Variants in DIPK2B observed in about 807,000 individuals in gnomAD.
The protein encoded by DIPK2B is UPF0672 protein CXorf36.
In DIPK2B, 15 loss-of-function variants were observed where a neutral mutation model predicts 22.2. The observed-to-expected ratio is 0.68, with a 90% CI of 0.45 to 1.04. The LOEUF is 1.04. DIPK2B is among the 50% of genes least tolerant of loss of function. The pLI is 0.00. For missense variants in DIPK2B, 345 were observed against 348.3 expected (o/e 0.99, Z 0.08); for synonymous variants, 163 against 153.2 (o/e 1.06, Z -0.47).
chrX:45,180,331 T>G (rs2047143018), intron 2 of DIPK2B, among the ~76,000 whole-genome samples: 1 of 111,837 alleles, frequency 8.9e-6, no homozygotes, highest in Non-Finnish European at 1.9e-5. Flanking sequence ...GAATAAAAGA[T>G]GAAGGCAAAA....
In DIPK2B at chrX:45,155,961, C is replaced by CTTTTTTTTTT. The variant is rs757375184; in HGVS notation, c.672+1744_672+1753dup. Among the ~76,000 whole-genome samples the CTTTTTTTTTT allele has an allele frequency of 7.2e-5, 4 of 55,253 alleles. 1 individual carries two copies. Among genetic ancestry groups the CTTTTTTTTTT allele is most frequent in the African/African-American group, 1.5e-4 (2 of 13,751 alleles). 48.0% of individuals were successfully genotyped at this position (55,253 alleles called of 115,157 possible). On this transcript the variant is annotated intron_variant, in intron 3 of 4. Coordinates refer to ENST00000398000, the MANE Select transcript of DIPK2B (RefSeq NM_176819.4). ...AGTTTCCCCTGCCTAAAGGGGACCT[C>CTTTTTTTTTT]TTTTTTTTTTTTTTTTTTTTTTTTA...
intron 1 of DIPK2B, among the ~76,000 whole-genome samples, chrX:45,198,951 C>T (rs1176721313): frequency 9.0e-6 from 1 of 111,340 alleles, no homozygotes; most frequent in Non-Finnish European, 1.9e-5. Flanking sequence ...CAACTGGTCT[C>T]ACAGCCCCTG....
At chrX:45,167,692 T>C (rs2047797441) in intron 2 of DIPK2B, among the ~76,000 whole-genome samples, 1 of 110,440 alleles carries the variant, frequency 9.1e-6, no homozygotes, top group Non-Finnish European at 1.9e-5. Context: ...TCTTTTTTTT[T>C]TCTTGTTTTT....
chrX:45,176,619 G>A (rs1015553993), intron 2 of DIPK2B, among the ~76,000 whole-genome samples: 3 of 111,875 alleles, frequency 2.7e-5, no homozygotes, highest in Admixed American at 9.5e-5. Flanking sequence ...TATTGGTGGG[G>A]AGACAGTTTT....
chrX:45,185,220 G>A (rs902575227), intron 2 of DIPK2B, among the ~76,000 whole-genome samples: 2 of 111,971 alleles, frequency 1.8e-5, no homozygotes, highest in African/African-American at 6.5e-5. Flanking sequence ...CATAGCATGT[G>A]GACATGCATA....
chrX:45,152,824 A>G (rs1329305730), intron 4 of DIPK2B, among the ~76,000 whole-genome samples: 1 of 111,276 alleles, frequency 9.0e-6, no homozygotes, highest in African/African-American at 3.3e-5. Context: ...CCAGCTACTC[A>G]GGGGGCTGAG....
At chrX:45,199,991 G>A (rs770493285) in intron 1 of DIPK2B, among the ~76,000 whole-genome samples, 9 of 112,308 alleles carry the variant, frequency 8.0e-5, no homozygotes, top group African/African-American at 2.6e-4. Flanking sequence ...GGAGCAAACC[G>A]TCCTGGTTTG....
chrX:45,164,281 G>C, intron 2 of DIPK2B: 7 of 1,181,740 alleles, frequency 5.9e-6, no homozygotes, highest in Non-Finnish European at 6.8e-6. Flanking sequence ...TTAAAAAAAG[G>C]CTTCAAAAGA....
intron 1 of DIPK2B, 122 bp from the exon 2 acceptor site, chrX:45,192,137 C>A (rs1375663839): frequency 1.4e-6 from 1 of 723,165 alleles, no homozygotes; most frequent in Non-Finnish European, 2.0e-6. Context: ...CTGAGGTGTT[C>A]GAAATTCTTT....
chrX:45,198,201 C>T (rs2047250290), intron 1 of DIPK2B, among the ~76,000 whole-genome samples: 1 of 110,832 alleles, frequency 9.0e-6, no homozygotes, highest in Non-Finnish European at 1.9e-5. Flanking sequence ...GGAAATGCAA[C>T]AAAATGTTGA....
chrX:45,189,113 G>T (rs1376553668), intron 2 of DIPK2B, among the ~76,000 whole-genome samples: 1 of 111,972 alleles, frequency 8.9e-6, no homozygotes. Context: ...GGCTCATCTT[G>T]AACCCCTGGC....
chrX:45,166,847 T>C (rs187829616), intron 2 of DIPK2B, among the ~76,000 whole-genome samples: 1 of 112,166 alleles, frequency 8.9e-6, no homozygotes, highest in East Asian at 2.8e-4. Flanking sequence ...CCAGCTACAT[T>C]TGGAAGGCTG....
At chrX:45,169,484 A>G (rs751657756) in intron 2 of DIPK2B, among the ~76,000 whole-genome samples, 2 of 111,117 alleles carry the variant, frequency 1.8e-5, no homozygotes, top group South Asian at 3.9e-4. Flanking sequence ...GCATTGTGTC[A>G]TGTTCACTTG....
Position 45,153,571 on chromosome X carries a change from G to T in DIPK2B, c.961+339C>A, listed in dbSNP as rs149335889. ...AGAGTGAGAAAGAGAGAGAGAGAGA[G>T]AGAAAGGAGGGTCAAGGCAGGTCCC... On this transcript the variant is annotated intron_variant, in intron 4 of 4. Transcript: ENST00000398000. Among the ~76,000 whole-genome samples, 510 of 106,151 alleles carry T rather than the reference G, an allele frequency of 4.8e-3. 4 individuals carry two copies. The highest frequency in any genetic ancestry group is 0.016 in the African/African-American group (478 of 28,975). The allele number at this position is 106,151 out of a possible 115,157, so 92.2% of individuals were successfully genotyped here. A position where few individuals can be genotyped will look rare whatever the true frequency, so the allele number is the denominator to read the frequency against.
intron 2 of DIPK2B, among the ~76,000 whole-genome samples, chrX:45,181,767 T>C (rs767262591): frequency 8.9e-6 from 1 of 112,102 alleles, no homozygotes; most frequent in Non-Finnish European, 1.9e-5. Flanking sequence ...AACGAGAGAA[T>C]ATCTTCTTGA....
chrX:45,186,117 A>G (rs1219694583), intron 2 of DIPK2B, among the ~76,000 whole-genome samples: 1 of 112,299 alleles, frequency 8.9e-6, no homozygotes, highest in Non-Finnish European at 1.9e-5. Flanking sequence ...CTTTGCCACA[A>G]ATGTTGAGAT....
At chrX:45,168,207 A>G (rs1046441448) in intron 2 of DIPK2B, among the ~76,000 whole-genome samples, 1 of 112,208 alleles carries the variant, frequency 8.9e-6, no homozygotes, top group Admixed American at 9.4e-5. Flanking sequence ...CTTTTTGGGA[A>G]GTTTCTCTCT....
chrX:45,150,481 G>T lies in DIPK2B; in HGVS notation c.*1171C>A, dbSNP rs754833902. On this transcript the variant is annotated 3_prime_UTR_variant, in exon 5 of 5. Transcript: ENST00000398000. ...AATGAAAATTCCTAGACTCCTTAGA[G>T]TCCCAACTCGGAGCATGCGGTGTGG... The T allele has an allele frequency of 8.9e-6, 1 of 112,164 alleles. No homozygotes were observed. The highest frequency in any genetic ancestry group is 3.7e-4 in the South Asian group (1 of 2,686). 9.2% of individuals were successfully genotyped at this position (112,164 alleles called of 1,213,427 possible). A position where few individuals can be genotyped will look rare whatever the true frequency, so the allele number is the denominator to read the frequency against.
At chrX:45,157,963 G>C in intron 2 of DIPK2B, 75 bp from the exon 3 acceptor site, 2 of 643,432 alleles carry the variant, frequency 3.1e-6, no homozygotes, top group Non-Finnish European at 4.0e-6. Flanking sequence ...TAGCAGGAGG[G>C]GGAATGGGCA....
Sources: gnomAD v4.1 joint callset for allele counts (sites outside exome capture counted in the v4.1 genomes callset) on GRCh38, gnomAD v4.1.1 for gene constraint, MANE v1.5 for transcripts, NCBI Gene and HGNC (gene_info 2026-07-23, HGNC 2026-07-21) for gene names.